Variants in HMBOX1 observed in about 807,000 individuals in gnomAD.
HMBOX1 encodes the protein homeobox-containing protein 1.
HMBOX1 carries 14 observed loss-of-function variants against 54.5 expected under a neutral mutation model. The observed-to-expected ratio is 0.26, with a 90% CI of 0.17 to 0.40. The LOEUF is 0.40. Among genes scored for constraint, HMBOX1 ranks in the 10% least tolerant of loss-of-function variants. The pLI, the probability that HMBOX1 is intolerant of heterozygous loss-of-function variation, is 1.00. For synonymous variants in HMBOX1, 160 were observed against 181.0 expected, an observed-to-expected ratio of 0.88 and a Z score of 0.93; for missense variants, 332 against 514.4, an observed-to-expected ratio of 0.65 and a Z score of 3.43.
chr8:29,034,081 T>C (rs983188560), intron 6 of HMBOX1, among the ~76,000 whole-genome samples: 20 of 152,246 alleles, frequency 1.3e-4, no homozygotes, highest in Non-Finnish European at 2.4e-4. Context: ...ATTATTGTTA[T>C]ACTAAACATT....
intron 1 of HMBOX1, among the ~76,000 whole-genome samples, chr8:28,938,129 T>A (rs1820716029): frequency 6.6e-6 from 1 of 152,234 alleles, no homozygotes. Flanking sequence ...CAGACTTTGA[T>A]AACTTTTCCA....
chr8:28,977,606 A>G (rs1301093106), intron 3 of HMBOX1, among the ~76,000 whole-genome samples: 2 of 152,114 alleles, frequency 1.3e-5, no homozygotes, highest in African/African-American at 2.4e-5. Context: ...TCTTTTTCAT[A>G]TACACAATTT....
intron 1 of HMBOX1, among the ~76,000 whole-genome samples, chr8:28,956,410 ATCT>A (rs1378240879): frequency 2.0e-5 from 3 of 151,814 alleles, no homozygotes; most frequent in Non-Finnish European, 4.4e-5. Context: ...AAGACCTGTC[ATCT>A]TCTAAATTTT....
chr8:28,967,787 C>T (rs1164970486), intron 2 of HMBOX1, among the ~76,000 whole-genome samples: 2 of 152,046 alleles, frequency 1.3e-5, no homozygotes, highest in African/African-American at 4.8e-5. Flanking sequence ...ATATAATAAT[C>T]ATGAAAATAG....
intron 1 of HMBOX1, among the ~76,000 whole-genome samples, chr8:28,904,264 T>C (rs77942485): frequency 6.6e-6 from 1 of 151,856 alleles, no homozygotes; most frequent in Non-Finnish European, 1.5e-5. Context: ...TTTTTTTTTT[T>C]TTGAGACGGA....
intron 4 of HMBOX1, among the ~76,000 whole-genome samples, chr8:28,986,882 C>T (rs1230286380): frequency 6.6e-6 from 1 of 151,754 alleles, no homozygotes; most frequent in African/African-American, 2.4e-5. Flanking sequence ...GGAAAAAAAC[C>T]AGCCTTCACC....
chr8:29,037,904 T>C lies in HMBOX1; in HGVS notation c.852-7457T>C, dbSNP rs540600516. 3.3e-5 allele frequency among the ~76,000 whole-genome samples: 5 copies of C among 152,354 alleles called. No individual in the cohort carries two copies. The South Asian group carries it at 6.2e-4, about 19-fold the overall frequency. ...CCTGCCCACTGCCCAGTAAGTTTAC[T>C]TGGTGATGAAGAAATACACACTGAA... is the stretch of plus-strand genomic sequence containing the variant. On this transcript the variant is annotated intron_variant, in intron 6 of 9. Transcript: ENST00000287701.
At chr8:29,003,415 A>C (rs1832930317) in intron 4 of HMBOX1, among the ~76,000 whole-genome samples, 1 of 151,014 alleles carries the variant, frequency 6.6e-6, no homozygotes, top group African/African-American at 2.4e-5. Context: ...ACATTCTAAG[A>C]TATTAGAGAA....
At chr8:29,043,612 T>G (rs1805159547) in intron 6 of HMBOX1, among the ~76,000 whole-genome samples, 1 of 152,242 alleles carries the variant, frequency 6.6e-6, no homozygotes, top group African/African-American at 2.4e-5. Flanking sequence ...ACTCATCCAG[T>G]ACATCTCAGA....
rs372564699 is a variant in HMBOX1, at chr8:29,051,012, A to G, written c.1126-6A>G. 3 of 1,608,080 alleles carry G rather than the reference A, an allele frequency of 1.9e-6. No individual in the cohort carries two copies. In the African/African-American group the frequency reaches 4.1e-5, roughly 22 times the overall value. On this transcript the variant is annotated splice_region_variant and splice_polypyrimidine_tract_variant and intron_variant, in intron 9 of 9. Coordinates refer to ENST00000287701, the MANE Select transcript of HMBOX1 (RefSeq NM_001135726.3). The stretch of plus-strand genomic sequence containing the variant: ...CTAATAACATTTCTTATTTCTGCAC[A>G]TCTAGGATGACAGTACGAGCCATAG...
intron 1 of HMBOX1, among the ~76,000 whole-genome samples, chr8:28,959,288 C>T (rs1825044853): frequency 6.6e-6 from 1 of 152,040 alleles, no homozygotes; most frequent in Admixed American, 6.6e-5. Flanking sequence ...TAAACAGGGG[C>T]ACTGTTAGAT....
chr8:29,035,895 C>T (rs1458347706), intron 6 of HMBOX1, among the ~76,000 whole-genome samples: 2 of 152,162 alleles, frequency 1.3e-5, no homozygotes, highest in Admixed American at 6.5e-5. Context: ...AGAAAATTAT[C>T]TCCATTCTTT....
chr8:28,953,009 G>A (rs1823780360), intron 1 of HMBOX1, among the ~76,000 whole-genome samples: 1 of 152,216 alleles, frequency 6.6e-6, no homozygotes, highest in Admixed American at 6.5e-5. Flanking sequence ...AAGTCCGTTA[G>A]CTGATTGACC....
At chr8:29,037,019 T>C (rs1803993474) in intron 6 of HMBOX1, among the ~76,000 whole-genome samples, 3 of 152,232 alleles carry the variant, frequency 2.0e-5, no homozygotes, top group Admixed American at 2.0e-4. Flanking sequence ...AATCACTTCC[T>C]AGGCCAGTAC....
rs9792190 is a variant in HMBOX1, at chr8:28,970,874, T to G, written c.500+355T>G. Reference sequence around the variant, plus strand: ...TGTAAGTACTTTTTCTGAGGGATAATTTTATCTTGATCAGAATATGTACAC... The same window carrying G: ...TGTAAGTACTTTTTCTGAGGGATAAGTTTATCTTGATCAGAATATGTACAC... On this transcript the variant is annotated intron_variant, in intron 3 of 9. Coordinates refer to ENST00000287701, the MANE Select transcript of HMBOX1 (RefSeq NM_001135726.3). The surrounding 1 kb of genome is among the most constrained non-coding windows in gnomAD (Gnocchi z 4.3). Among the ~76,000 whole-genome samples the G allele has an allele frequency of 0.6, 90,796 of 151,458 alleles. 27,819 individuals carry two copies. Among genetic ancestry groups the G allele is most frequent in the Admixed American group, 0.69 (10,543 of 15,198 alleles).
intron 1 of HMBOX1, among the ~76,000 whole-genome samples, chr8:28,905,306 AAAAAC>A (rs1814079265): frequency 6.6e-6 from 1 of 152,226 alleles, no homozygotes; most frequent in South Asian, 2.1e-4. Flanking sequence ...AAGCCAAAAG[AAAAAC>A]AAAACAAAAA....
At chr8:29,039,125 A>G (rs1009459061) in intron 6 of HMBOX1, among the ~76,000 whole-genome samples, 8 of 152,190 alleles carry the variant, frequency 5.3e-5, no homozygotes, top group East Asian at 1.9e-4. Flanking sequence ...TAAAACTAAT[A>G]TAATTTCTTT....
At chr8:28,984,819 C>A (rs1252037502) in intron 4 of HMBOX1, among the ~76,000 whole-genome samples, 1 of 151,776 alleles carries the variant, frequency 6.6e-6, no homozygotes, top group Admixed American at 6.6e-5. Context: ...TTCAAGCATG[C>A]AGAATAAATG....
At chr8:28,965,121 G>A (rs1275020083) in intron 2 of HMBOX1, among the ~76,000 whole-genome samples, 1 of 152,222 alleles carries the variant, frequency 6.6e-6, no homozygotes, top group African/African-American at 2.4e-5. Flanking sequence ...GCATCATGAA[G>A]CCATGAATTT....
Sources: allele counts gnomAD v4.1 joint callset (sites outside exome capture counted in the v4.1 genomes callset), GRCh38; gene constraint gnomAD v4.1.1; non-coding constraint Gnocchi (gnomAD v3.1); transcripts MANE v1.5; gene names NCBI Gene and HGNC (gene_info 2026-07-23, HGNC 2026-07-21).